Variants in XYLB observed in about 807,000 individuals in gnomAD.
XYLB encodes xylulose kinase.
Under a neutral mutation model 78.7 loss-of-function variants are expected in XYLB, and 62 were observed. That is an observed-to-expected ratio of 0.79 (90% CI 0.64 to 0.97). The LOEUF is 0.97. Ranked by LOEUF, XYLB falls within the 50% of genes least tolerant of loss-of-function variation. The pLI is 0.00. For missense variants in XYLB, 687 were observed against 676.8 expected, an observed-to-expected ratio of 1.02 and a Z score of -0.17; for synonymous variants, 245 against 247.4, an observed-to-expected ratio of 0.99 and a Z score of 0.09.
At chr3:38,350,379 C>T (rs112456249) in intron 2 of XYLB, among the ~76,000 whole-genome samples, 4,840 of 152,248 alleles carry the variant, frequency 0.032, 117 homozygotes, top group African/African-American at 0.062. Flanking sequence ...TCATAATATT[C>T]CTTTATCCTC....
chr3:38,379,292 G>A lies in XYLB; in HGVS notation c.1241G>A (p.Gly414Glu). ...GDVEVRALIE[G>E]QFMAKRIHAE... ...GTGGAGGTTCGAGCACTAATTGAAGGACAATTCATGGCCAAGAGGATTCAC... is the reference window on the plus strand; with the variant it reads ...GTGGAGGTTCGAGCACTAATTGAAGAACAATTCATGGCCAAGAGGATTCAC... The change falls in exon 15 of 19, where the codon GGA becomes GAA. Residue 414 changes from glycine to glutamate, a missense_variant. Coordinates refer to ENST00000207870, the MANE Select transcript of XYLB (RefSeq NM_005108.4). 6.2e-7 allele frequency: 1 copy of A among 1,614,112 alleles called. No individual in the cohort carries two copies. The highest frequency in any genetic ancestry group is 1.1e-5 in the South Asian group (1 of 91,074).
At chr3:38,364,999 G>A (rs1706171148) in intron 4 of XYLB, among the ~76,000 whole-genome samples, 200 bp from the exon 5 acceptor site, 1 of 152,202 alleles carries the variant, frequency 6.6e-6, no homozygotes, top group South Asian at 2.1e-4. Flanking sequence ...AAGTTGTAGG[G>A]TAGACAGGGC....
At chr3:38,391,951 C>T (rs566507309) in intron 15 of XYLB, among the ~76,000 whole-genome samples, 18 of 152,202 alleles carry the variant, frequency 1.2e-4, no homozygotes, top group Non-Finnish European at 2.4e-4. Context: ...TCCATGCCTG[C>T]TGTGGGAGCT....
At chr3:38,420,096 G>A (rs1386882442) in exon 18 of XYLB, among the ~76,000 whole-genome samples, 1 of 152,132 alleles carries the variant, frequency 6.6e-6, no homozygotes. Context: ...GGAATTAACA[G>A]GCGTGAGCCA....
chr3:38,378,544 C>T (rs1180768874), intron 14 of XYLB, among the ~76,000 whole-genome samples: 1 of 152,116 alleles, frequency 6.6e-6, no homozygotes, highest in African/African-American at 2.4e-5. Context: ...CTGGGCGTCT[C>T]TGAGAAGGTG....
rs1708679529 is a variant in XYLB, at chr3:38,413,425, A to T, written c.*412A>T. On this transcript the variant is annotated 3_prime_UTR_variant, in exon 19 of 19. Coordinates refer to ENST00000207870, the MANE Select transcript of XYLB (RefSeq NM_005108.4). ...CATCCTATCTCTTTCTCCAACCCTG[A>T]CTGCCCACTCCTCCACAAACCGTGA... is the stretch of plus-strand genomic sequence containing the variant. The T allele has an allele frequency of 6.2e-6, 1 of 161,566 alleles. No individual in the cohort carries two copies. Among genetic ancestry groups the T allele is most frequent in the Non-Finnish European group, 1.3e-5 (1 of 74,770 alleles). 10.0% of individuals were successfully genotyped at this position (161,566 alleles called of 1,614,324 possible).
rs1705206964 is a variant in XYLB at position 38,348,778 on chromosome 3, C to A, written c.140+146C>A. On this transcript the variant is annotated intron_variant, in intron 2 of 18. Coordinates refer to ENST00000207870, the MANE Select transcript of XYLB (RefSeq NM_005108.4). The stretch of plus-strand genomic sequence containing the variant: ...GCAGACCTTTCAAGCATCTTTTTTT[C>A]CTATACCTAGAGTGCCATCTCCCCC... 1.8e-5 allele frequency: 12 copies of A among 674,788 alleles called. No individual in the cohort carries two copies. In the South Asian group the frequency reaches 2.0e-4, roughly 11 times the overall value. The allele number at this position is 674,788 out of a possible 1,614,324, so 41.8% of individuals were successfully genotyped here.
At chr3:38,421,669 C>A (rs750164237), downstream of XYLB, among the ~76,000 whole-genome samples, 2 of 152,220 alleles carry the variant, frequency 1.3e-5, no homozygotes, top group Admixed American at 6.5e-5. Context: ...CACCTTGGAG[C>A]CTTTCCACAC....
At chr3:38,378,862 G>C (rs1707000461) in intron 14 of XYLB, among the ~76,000 whole-genome samples, 1 of 149,314 alleles carries the variant, frequency 6.7e-6, no homozygotes, top group South Asian at 2.2e-4. Flanking sequence ...TGTCTAATCT[G>C]ATCATTGCAA....
downstream of XYLB, among the ~76,000 whole-genome samples, chr3:38,419,526 A>G (rs1708904277): frequency 7.0e-6 from 1 of 142,272 alleles, no homozygotes; most frequent in Admixed American, 7.3e-5. Flanking sequence ...CCCAGCAGTA[A>G]TGCACAGGGA....
At chr3:38,440,917 C>A in the XYLB span, among the ~76,000 whole-genome samples, 4 of 151,382 alleles carry the variant, frequency 2.6e-5, no homozygotes, top group African/African-American at 9.7e-5. Context: ...TCTTCCCCTC[C>A]CTCTTTCCTT....
chr3:38,436,605 G>A, the XYLB span, among the ~76,000 whole-genome samples: 3 of 152,022 alleles, frequency 2.0e-5, no homozygotes, highest in Non-Finnish European at 2.9e-5. Flanking sequence ...AACCAGAAAA[G>A]GCCACAGCAA....
intron 2 of XYLB, chr3:38,355,775 A>G: frequency 1.4e-6 from 1 of 703,678 alleles, no homozygotes; most frequent in Non-Finnish European, 2.6e-6. Flanking sequence ...AACATGACAG[A>G]GCCACCATCA....
At chr3:38,373,397 A>G (rs1316180772) in intron 10 of XYLB, among the ~76,000 whole-genome samples, 1 of 152,230 alleles carries the variant, frequency 6.6e-6, no homozygotes, top group Admixed American at 6.5e-5. Context: ...AGTAACTAGA[A>G]AGGTTAATTT....
intron 18 of XYLB, among the ~76,000 whole-genome samples, chr3:38,408,667 G>T (rs1002678626): frequency 2.8e-5 from 4 of 144,634 alleles, no homozygotes; most frequent in African/African-American, 7.4e-5. Context: ...AAAGAGAGAA[G>T]AATCAAATAG....
intron 15 of XYLB, among the ~76,000 whole-genome samples, chr3:38,380,000 G>T (rs1246349141): frequency 6.6e-6 from 1 of 152,148 alleles, no homozygotes; most frequent in Non-Finnish European, 1.5e-5. Context: ...GAGGTAGAGG[G>T]CATCACATGG....
intron 3 of XYLB, among the ~76,000 whole-genome samples, chr3:38,362,533 G>A (rs1706027998): frequency 6.6e-6 from 1 of 152,108 alleles, no homozygotes; most frequent in South Asian, 2.1e-4. Context: ...GTGATGGCAT[G>A]CACCCGTAGT....
In XYLB at chr3:38,413,231, A is replaced by G. The variant is rs917838130; in HGVS notation, c.*218A>G. On this transcript the variant is annotated 3_prime_UTR_variant, in exon 19 of 19. Coordinates refer to ENST00000207870, the MANE Select transcript of XYLB (RefSeq NM_005108.4). The stretch of plus-strand genomic sequence containing the variant: ...GTGCCCGTGTGCCCCAGGGCAGGAA[A>G]GCATCTCTCTTTTCCTGTCTTTTAT... 6 of 452,704 alleles carry G rather than the reference A, an allele frequency of 1.3e-5. No individual in the cohort carries two copies. The South Asian group carries it at 3.3e-4, about 25-fold the overall frequency. The allele number at this position is 452,704 out of a possible 1,614,324, so 28.0% of individuals were successfully genotyped here.
chr3:38,353,542 C>A (rs1457206433), intron 2 of XYLB, among the ~76,000 whole-genome samples: 1 of 151,754 alleles, frequency 6.6e-6, no homozygotes, highest in African/African-American at 2.4e-5. Context: ...AACTCCTGGG[C>A]TCAAGCAGTC....
Sources: gnomAD v4.1 joint callset for allele counts (sites outside exome capture counted in the v4.1 genomes callset) on GRCh38, gnomAD v4.1.1 for gene constraint, MANE v1.5 for transcripts, NCBI Gene and HGNC (gene_info 2026-07-23, HGNC 2026-07-21) for gene names.